The following RHPN2 variants were observed in gnomAD, a reference collection of about 807,000 sequenced individuals.
RHPN2 encodes the protein rhophilin-2.
In RHPN2, 40 loss-of-function variants were observed where a neutral mutation model predicts 79.0. That is an observed-to-expected ratio of 0.51 (90% CI 0.39 to 0.66). The LOEUF (loss-of-function observed/expected upper bound fraction) is 0.66, where lower values mean the gene tolerates loss of function less well. Among genes scored for constraint, RHPN2 ranks in the 30% least tolerant of loss-of-function variants. The pLI, the probability that RHPN2 is intolerant of heterozygous loss-of-function variation, is 0.00. For missense variants in RHPN2, 686 were observed against 883.5 expected, an observed-to-expected ratio of 0.78 and a Z score of 2.83; for synonymous variants, 285 against 363.5, an observed-to-expected ratio of 0.78 and a Z score of 2.46.
At position 33,002,913 on chromosome 19, in the gene RHPN2, A is replaced by G; in HGVS notation, c.848T>C (p.Met283Thr). 6.2e-7 allele frequency: 1 copy of G among 1,613,990 alleles called. No homozygotes were observed. Among genetic ancestry groups the G allele is most frequent in the East Asian group, 2.2e-5 (1 of 44,870 alleles). Reference sequence around the variant, plus strand: ...CACGCTTTCTTGGGCTTGTGCAAGCATCATTTTGACGAGCACGCTGAGCAT... The same window carrying G: ...CACGCTTTCTTGGGCTTGTGCAAGCGTCATTTTGACGAGCACGCTGAGCAT... ...PAMLSVLVKM[M>T]LAQAQESVFE... Residue 283 changes from methionine (M) to threonine (T), a missense_variant, in exon 8 of 15, where the codon ATG becomes ACG. By Grantham distance (81) the Met-to-Thr change is moderately conservative. Transcript: ENST00000254260.
At chr19:33,006,592 C>T (rs1367862440) in intron 7 of RHPN2, among the ~76,000 whole-genome samples, 4 of 152,296 alleles carry the variant, frequency 2.6e-5, no homozygotes, top group East Asian at 3.9e-4. Context: ...ATAGAGCTAG[C>T]GTGGGGAACA....
Position 32,990,607 on chromosome 19 carries a change from C to A in RHPN2, c.1707G>T (p.Leu569=). Residue 569 remains leucine, a synonymous_variant, in exon 14 of 15, where the codon CTG becomes CTT. Transcript: ENST00000254260. ...GCAGCTTCATAACCTCACTCAGCGT[C>A]AGCCACTTACAATCCACAAGCTGAA... is the stretch of plus-strand genomic sequence containing the variant. ...VSIQLVDCKW[L]TLSEVMKLLK... is the part of the protein sequence containing the mutation. The A allele has an allele frequency of 6.2e-7, 1 of 1,613,942 alleles. No homozygotes were observed. The highest frequency in any genetic ancestry group is 8.5e-7 in the Non-Finnish European group (1 of 1,179,864).
chr19:33,011,596 C>T, intron 6 of RHPN2, 83 bp downstream of exon 6: 1 of 1,585,142 alleles, frequency 6.3e-7, no homozygotes, highest in South Asian at 1.1e-5. Flanking sequence ...GGGGCACCCG[C>T]AGAGGGGCGT....
chr19:33,019,290 C>T (rs1971904198), intron 4 of RHPN2, among the ~76,000 whole-genome samples: 1 of 151,406 alleles, frequency 6.6e-6, no homozygotes, highest in Admixed American at 6.6e-5. Context: ...ACGAAAAATA[C>T]AAAAATTAGC....
At chr19:33,060,818 C>T (rs954793557) in intron 1 of RHPN2, among the ~76,000 whole-genome samples, 4 of 152,122 alleles carry the variant, frequency 2.6e-5, no homozygotes, top group Non-Finnish European at 4.4e-5. Flanking sequence ...AGGTGTGAGG[C>T]ACTGCACCCC....
intron 14 of RHPN2, among the ~76,000 whole-genome samples, chr19:32,983,996 T>C (rs1971596962): frequency 6.6e-6 from 1 of 152,174 alleles, no homozygotes; most frequent in Non-Finnish European, 1.5e-5. Flanking sequence ...TCTAGAACTC[T>C]TAGGGCTTTA....
At position 33,008,017 on chromosome 19, in the gene RHPN2, C is replaced by T. The variant is rs766335784; in HGVS notation, c.757G>A (p.Ala253Thr). The change falls in exon 7 of 15, where the codon GCA (alanine) becomes ACA (threonine). Residue 253 changes from alanine (A) to threonine (T), a missense_variant. Coordinates refer to ENST00000254260, the MANE Select transcript of RHPN2 (RefSeq NM_033103.5). ...GTCAGCCCTGGAGGAGACATACCTGCGGCTCTCTGAAAGGCATCTATGGCA... is the reference window on the plus strand; with the variant it reads ...GTCAGCCCTGGAGGAGACATACCTGTGGCTCTCTGAAAGGCATCTATGGCA... ...ESAIDAFQRA[A>T]GVLNYLKDTF... 6 of 1,612,052 alleles carry T rather than the reference C, an allele frequency of 3.7e-6. No homozygotes were observed. Among genetic ancestry groups the T allele is most frequent in the Admixed American group, 3.3e-5 (2 of 59,982 alleles).
chr19:33,013,382 A>G (rs186006546), intron 4 of RHPN2, among the ~76,000 whole-genome samples: 8 of 151,618 alleles, frequency 5.3e-5, no homozygotes, highest in Admixed American at 5.3e-4. Flanking sequence ...TTTAGTAGAG[A>G]TGGGGTTTCA....
rs1971807596 is a variant in RHPN2 at position 33,008,076 on chromosome 19, C to T, written c.698G>A (p.Arg233Gln). ...TGALYTQIGT[R>Q]CDRQTQAGLE... ...CCCAGCCTGCGTCTGCCGATCACACCGGGTCCCAATCTGGGTGTAGAGGGC... is the reference window on the plus strand; with the variant it reads ...CCCAGCCTGCGTCTGCCGATCACACTGGGTCCCAATCTGGGTGTAGAGGGC... The change falls in exon 7 of 15, where the codon CGG becomes CAG. Residue 233 changes from arginine (R) to glutamine (Q), a missense_variant. By Grantham distance (43) the Arg-to-Gln change is conservative (BLOSUM62 1). Transcript: ENST00000254260. 5.6e-6 allele frequency: 9 copies of T among 1,613,598 alleles called. No homozygotes were observed. The highest frequency in any genetic ancestry group is 2.7e-5 in the African/African-American group (2 of 74,872).
chr19:33,062,668 G>A (rs1467506553), intron 1 of RHPN2, among the ~76,000 whole-genome samples: 6 of 150,712 alleles, frequency 4.0e-5, no homozygotes. Flanking sequence ...CTACTTCGGA[G>A]GCTGAGGCAG....
intron 1 of RHPN2, among the ~76,000 whole-genome samples, chr19:33,051,139 A>AT (rs543225996): frequency 5.9e-5 from 9 of 152,016 alleles, no homozygotes; most frequent in Non-Finnish European, 1.2e-4. Flanking sequence ...TTACAGGTGC[A>AT]CACCACCATG....
At chr19:32,981,030 G>T (rs1033844096) in intron 14 of RHPN2, among the ~76,000 whole-genome samples, 1 of 151,930 alleles carries the variant, frequency 6.6e-6, no homozygotes, top group Non-Finnish European at 1.5e-5. Context: ...AGTAGAGACG[G>T]GGTTTCACCC....
intron 12 of RHPN2, among the ~76,000 whole-genome samples, chr19:32,993,073 A>G (rs1971673656): frequency 6.6e-6 from 1 of 152,128 alleles, no homozygotes; most frequent in African/African-American, 2.4e-5. Flanking sequence ...AGCTATGATC[A>G]TGCCGCTGTA....
intron 7 of RHPN2, among the ~76,000 whole-genome samples, chr19:33,006,608 T>C (rs1395207659): frequency 6.6e-6 from 1 of 152,178 alleles, no homozygotes; most frequent in Non-Finnish European, 1.5e-5. Context: ...GAACACACTG[T>C]GGTCTACACT....
intron 1 of RHPN2, among the ~76,000 whole-genome samples, chr19:33,058,766 G>A (rs561652348): frequency 2.0e-4 from 30 of 152,034 alleles, no homozygotes; most frequent in Admixed American, 5.2e-4. Flanking sequence ...GCGACAGAGC[G>A]AGACTCCGTC....
intron 7 of RHPN2, 75 bp downstream of exon 7, chr19:33,007,939 C>G: frequency 6.6e-7 from 1 of 1,526,336 alleles, no homozygotes; most frequent in South Asian, 1.1e-5. Flanking sequence ...CCTGTAGATT[C>G]TCTTCAGTGG....
At chr19:32,984,673 C>G (rs1211783582) in intron 14 of RHPN2, among the ~76,000 whole-genome samples, 1 of 152,010 alleles carries the variant, frequency 6.6e-6, no homozygotes, top group Admixed American at 6.6e-5. Context: ...AAAAAAGAGC[C>G]AGGTACAGTG....
chr19:33,043,795 T>A (rs1417548795), intron 2 of RHPN2, among the ~76,000 whole-genome samples: 2 of 152,192 alleles, frequency 1.3e-5, no homozygotes, highest in African/African-American at 4.8e-5. Context: ...GGGGGTGTAC[T>A]GAGCCCTCTC....
intron 1 of RHPN2, among the ~76,000 whole-genome samples, chr19:33,056,072 G>A (rs550568234): frequency 2.0e-4 from 30 of 149,070 alleles, no homozygotes; most frequent in Non-Finnish European, 4.3e-4. Context: ...GCTTTCTCTA[G>A]TTTGTTTCCA....
Sources: allele counts gnomAD v4.1 joint callset (sites outside exome capture counted in the v4.1 genomes callset), GRCh38; gene constraint gnomAD v4.1.1; transcripts MANE v1.5; gene names NCBI Gene and HGNC (gene_info 2026-07-23, HGNC 2026-07-21).